Variants in TRIM36 observed in about 807,000 individuals in gnomAD.
The protein encoded by TRIM36 is E3 ubiquitin-protein ligase TRIM36.
TRIM36 carries 42 observed loss-of-function variants against 72.4 expected under a neutral mutation model. That is an observed-to-expected ratio of 0.58 (90% confidence interval 0.45 to 0.75). The LOEUF (loss-of-function observed/expected upper bound fraction) is 0.75, where lower values mean the gene tolerates loss of function less well. Ranked by LOEUF, TRIM36 falls within the 30% of genes least tolerant of loss-of-function variation. The pLI is 0.00. For missense variants in TRIM36, 913 were observed against 857.1 expected (o/e 1.07, Z -0.81); for synonymous variants, 315 against 282.8 (o/e 1.11, Z -1.14).
chr5:115,153,952 T>C (rs1296637170), intron 2 of TRIM36: 2 of 152,068 alleles, frequency 1.3e-5, no homozygotes, highest in Non-Finnish European at 2.9e-5. Flanking sequence ...CCTCAATAAA[T>C]TTAAAAATAT....
chr5:115,137,366 A>G lies in TRIM36; in HGVS notation c.1082T>C (p.Leu361Pro), dbSNP rs1402496501. Residue 361 changes from leucine (L) to proline (P), a missense_variant, in exon 6 of 10, where the codon CTC (leucine) becomes CCC (proline). Transcript: ENST00000513154. ...CFVQTAKQLHLRIQKATESLK... is the reference protein window; with the variant it reads ...CFVQTAKQLHPRIQKATESLK... ...AGTTAGAAGTAAAAGAGAATACCTG[A>G]GGTGGAGCTGCTTTGCTGTCTGCAC... 2.7e-5 allele frequency: 44 copies of G among 1,604,544 alleles called. No homozygotes were observed. The highest frequency in any genetic ancestry group is 3.4e-5 in the Non-Finnish European group (40 of 1,177,182).
chr5:115,180,241 C>G, upstream of TRIM36: 1 of 507,156 alleles, frequency 2.0e-6, no homozygotes, highest in Middle Eastern at 4.6e-4. Context: ...GGCAGCCTCG[C>G]CCGGCTTGCT....
At chr5:115,155,176 CA>C (rs1405005184) in intron 2 of TRIM36, among the ~76,000 whole-genome samples, 6 of 150,646 alleles carry the variant, frequency 4.0e-5, no homozygotes, top group Non-Finnish European at 4.4e-5. Context: ...GCAACAAGAG[CA>C]AAACACTGTT....
chr5:115,155,778 C>T (rs1286660878), intron 2 of TRIM36, among the ~76,000 whole-genome samples: 1 of 152,080 alleles, frequency 6.6e-6, no homozygotes, highest in East Asian at 1.9e-4. Context: ...CCACTCTTAC[C>T]ACCCTTCTTC....
chr5:115,162,907 C>T (rs1157990995), intron 2 of TRIM36, among the ~76,000 whole-genome samples: 1 of 151,238 alleles, frequency 6.6e-6, no homozygotes, highest in Non-Finnish European at 1.5e-5. Flanking sequence ...GTCCATTATT[C>T]TATGTATCAA....
intron 2 of TRIM36, among the ~76,000 whole-genome samples, chr5:115,160,779 G>C (rs1754441827): frequency 6.6e-6 from 1 of 152,180 alleles, no homozygotes; most frequent in African/African-American, 2.4e-5. Context: ...CTCAGAGTTA[G>C]AGGTTACAGT....
chr5:115,172,165 C>G (rs1463402760), upstream of TRIM36, among the ~76,000 whole-genome samples: 2 of 152,122 alleles, frequency 1.3e-5, no homozygotes, highest in African/African-American at 2.4e-5. Context: ...TACAAAGCCT[C>G]TCTTATTTTG....
At chr5:115,145,417 G>A (rs1209573964) in intron 3 of TRIM36, among the ~76,000 whole-genome samples, 1 of 152,150 alleles carries the variant, frequency 6.6e-6, no homozygotes, top group Non-Finnish European at 1.5e-5. Context: ...AGAAAGGGGA[G>A]ATTCCTTTAA....
chr5:115,162,608 C>G (rs1754541727), intron 2 of TRIM36, among the ~76,000 whole-genome samples: 1 of 152,078 alleles, frequency 6.6e-6, no homozygotes, highest in Non-Finnish European at 1.5e-5. Flanking sequence ...TAGTACATAA[C>G]TAAAATTTTA....
At chr5:115,165,350 C>T (rs1165988237) in intron 1 of TRIM36, among the ~76,000 whole-genome samples, 1 of 152,222 alleles carries the variant, frequency 6.6e-6, no homozygotes, top group East Asian at 1.9e-4. Context: ...GAGCTTCGCC[C>T]CTGCAGCAGA....
intron 4 of TRIM36, among the ~76,000 whole-genome samples, chr5:115,142,456 T>C (rs1753328727): frequency 1.3e-5 from 2 of 152,158 alleles, no homozygotes. Flanking sequence ...CAGCTTACAT[T>C]AGAACTACAA....
chr5:115,133,863 G>A lies in TRIM36; in HGVS notation c.1495C>T (p.Pro499Ser). Residue 499 changes from proline (P) to serine (S), a missense_variant, in exon 8 of 10, where the codon CCA becomes TCA. Transcript: ENST00000513154. ...RELILHTPPA[P>S]VFSFLFDEKC... is the part of the protein sequence containing the mutation. ...TTATTCCTGATATTCACCATACCTG[G>A]AGCTGGAGGAGTATGAAGAATCAAT... The A allele has an allele frequency of 6.3e-7, 1 of 1,583,758 alleles. No homozygotes were observed. Among genetic ancestry groups the A allele is most frequent in the African/African-American group, 1.4e-5 (1 of 73,764 alleles).
chr5:115,130,754 T>C lies in TRIM36; in HGVS notation c.1634A>G (p.Tyr545Cys), dbSNP rs1752632219. The change falls in exon 9 of 10, where the codon TAC (tyrosine) becomes TGC (cysteine). Residue 545 changes from tyrosine (Y) to cysteine (C), a missense_variant. Transcript: ENST00000513154. ...TCCAATGATGTAGTCTAAGCTTGTG[T>C]AATAACCCACTTGGATGCGTTCTGC... The part of the protein sequence containing the change: ...LAAERIQVGY[Y>C]TSLDYIIGDT... 6.2e-7 allele frequency: 1 copy of C among 1,614,206 alleles called. No individual in the cohort carries two copies. Among genetic ancestry groups the C allele is most frequent in the Non-Finnish European group, 8.5e-7 (1 of 1,180,034 alleles).
chr5:115,143,222 C>CAAAAAAAAAAAAAA (rs59083853), intron 4 of TRIM36, among the ~76,000 whole-genome samples: 1 of 57,484 alleles, frequency 1.7e-5, no homozygotes, highest in Non-Finnish European at 2.9e-5. Flanking sequence ...ACCAGCCAGA[C>CAAAAAAAAAAAAAA]AAAAAAAAAA....
At chr5:115,167,145 C>T (rs570790756) in intron 1 of TRIM36, among the ~76,000 whole-genome samples, 4 of 152,272 alleles carry the variant, frequency 2.6e-5, no homozygotes, top group East Asian at 1.9e-4. Context: ...GCTGGTGAAG[C>T]GACACCCTAA....
At chr5:115,176,398 G>A (rs919198851) in intron 1 of TRIM36, among the ~76,000 whole-genome samples, 7 of 151,996 alleles carry the variant, frequency 4.6e-5, no homozygotes, top group Admixed American at 2.6e-4. Context: ...AATTTTTTGT[G>A]CCTCAAAGAT....
intron 7 of TRIM36, 103 bp from the exon 8 acceptor site, chr5:115,134,250 A>G: frequency 2.0e-6 from 2 of 989,978 alleles, no homozygotes; most frequent in South Asian, 6.4e-5. Flanking sequence ...AATGATTTCT[A>G]TACTAATACT....
chr5:115,150,048 C>A (rs766566684), intron 2 of TRIM36, among the ~76,000 whole-genome samples: 7 of 152,148 alleles, frequency 4.6e-5, no homozygotes, highest in Non-Finnish European at 1.0e-4. Flanking sequence ...CTTCAGCCAC[C>A]GTGCCTGGCC....
intron 4 of TRIM36, among the ~76,000 whole-genome samples, chr5:115,143,550 G>A (rs927004291): frequency 6.6e-6 from 1 of 151,604 alleles, no homozygotes; most frequent in Non-Finnish European, 1.5e-5. Flanking sequence ...AGAATTAGTA[G>A]GCAAGAACAA....
Sources: gnomAD v4.1 joint callset for allele counts (sites outside exome capture counted in the v4.1 genomes callset) on GRCh38, gnomAD v4.1.1 for gene constraint, MANE v1.5 for transcripts, NCBI Gene and HGNC (gene_info 2026-07-23, HGNC 2026-07-21) for gene names.